RMND1: variants seen among roughly 807,000 people sequenced by gnomAD.
RMND1 encodes the protein required for meiotic nuclear division protein 1 homolog.
In RMND1, 41 loss-of-function variants were observed where a neutral mutation model predicts 54.0. The ratio of observed to expected loss-of-function variants is 0.76; its 90% CI spans 0.59 to 0.98. RMND1 has a LOEUF of 0.98. Among genes scored for constraint, RMND1 ranks in the 50% least tolerant of loss-of-function variants. The pLI is 0.00. For synonymous variants in RMND1, 183 were observed against 181.7 expected (o/e 1.01, Z -0.06); for missense variants, 457 against 532.0 (o/e 0.86, Z 1.39).
rs189562400 is a variant in RMND1, at chr6:151,432,249, G to A, written c.689+906C>T. Among the ~76,000 whole-genome samples the A allele has an allele frequency of 3.9e-5, 6 of 152,258 alleles. No homozygotes were observed. The East Asian group carries it at 1.2e-3, about 29-fold the overall frequency. On this transcript the variant is annotated intron_variant, in intron 4 of 11. Coordinates refer to ENST00000444024, the MANE Select transcript of RMND1 (RefSeq NM_017909.4). ...ACCGTGCCCAGCCGAGGCTTGCACT[G>A]TATTTCTGCTAGACAGTGCTGATGT...
chr6:151,433,307 A>G (rs1780497613), intron 3 of RMND1, 77 bp from the exon 4 acceptor site: 1 of 852,068 alleles, frequency 1.2e-6, no homozygotes, highest in African/African-American at 1.7e-5. Context: ...AAACACTGTA[A>G]TAAAGTACTT....
intron 1 of RMND1, 112 bp from the exon 2 acceptor site, chr6:151,445,937 C>G: frequency 1.1e-6 from 1 of 933,178 alleles, no homozygotes; most frequent in Non-Finnish European, 1.5e-6. Flanking sequence ...AAAACAGATA[C>G]ATTCTAAGTT....
intron 7 of RMND1, 143 bp from the exon 8 acceptor site, chr6:151,422,748 T>C (rs1780190752): frequency 2.1e-6 from 1 of 466,288 alleles, no homozygotes; most frequent in African/African-American, 2.0e-5. Flanking sequence ...AATTTAAGAA[T>C]AGTTAATTAT....
At chr6:151,450,186 T>G (rs1262461335) in intron 1 of RMND1, among the ~76,000 whole-genome samples, 2 of 130,614 alleles carry the variant, frequency 1.5e-5, no homozygotes, top group Admixed American at 7.4e-5. Flanking sequence ...CCGGCCGCCA[T>G]CCCATCTAGG....
intron 1 of RMND1, among the ~76,000 whole-genome samples, chr6:151,449,262 G>A (rs899827805): frequency 1.1e-4 from 16 of 151,162 alleles, no homozygotes; most frequent in East Asian, 5.8e-4. Context: ...CCAGTTACTC[G>A]GGAGGCCAAG....
At position 151,436,545 on chromosome 6, in the gene RMND1, G is replaced by A. The variant is rs1041192620; in HGVS notation, c.514C>T (p.His172Tyr). Residue 172 changes from histidine (H) to tyrosine (Y), a missense_variant, in exon 3 of 12, where the codon CAC becomes TAC. His to Tyr is a moderately conservative substitution (Grantham distance 83). Transcript: ENST00000444024. ...PVLSVNEDLMHCTAFATADEY... is the reference protein window; with the variant it reads ...PVLSVNEDLMYCTAFATADEY... ...TCTGCCGTTGCAAATGCTGTGCAGT[G>A]CATTAGGTCCTGTTCCAGGGAAATG... 10 of 1,613,706 alleles carry A rather than the reference G, an allele frequency of 6.2e-6. No individual in the cohort carries two copies. Among genetic ancestry groups the A allele is most frequent in the African/African-American group, 1.3e-5 (1 of 74,912 alleles).
chr6:151,407,187 GACTA>G (rs1023198214), intron 10 of RMND1, among the ~76,000 whole-genome samples: 4 of 152,158 alleles, frequency 2.6e-5, no homozygotes, highest in African/African-American at 9.6e-5. Context: ...AGAACCACAG[GACTA>G]ACTGACTGAA....
intron 10 of RMND1, among the ~76,000 whole-genome samples, chr6:151,406,194 A>G (rs2114909101): frequency 6.6e-6 from 1 of 152,280 alleles, no homozygotes; most frequent in South Asian, 2.1e-4. Context: ...TCTACTAGAA[A>G]ATCTACGCTT....
At position 151,409,638 on chromosome 6, in the gene RMND1, T is replaced by C. The variant is rs1030721260; in HGVS notation, c.1201-3802A>G. Among the ~76,000 whole-genome samples the C allele has an allele frequency of 7.2e-5, 11 of 152,178 alleles. 1 individual carries two copies. In the South Asian group the frequency reaches 8.3e-4, roughly 11 times the overall value. On this transcript the variant is annotated intron_variant, in intron 10 of 11. Transcript: ENST00000444024. ...ATGGGGCTTACATTCTAGTGGAAAA[T>C]GGTACACACAATTTTTAAAAGGATG...
chr6:151,415,985 T>A (rs1376360811), intron 10 of RMND1, among the ~76,000 whole-genome samples: 1 of 147,378 alleles, frequency 6.8e-6, no homozygotes, highest in African/African-American at 2.6e-5. Flanking sequence ...GTCTTTTTGT[T>A]TTGTTTTTTT....
intron 2 of RMND1, among the ~76,000 whole-genome samples, chr6:151,444,246 C>T (rs1372346605): frequency 6.6e-6 from 1 of 152,202 alleles, no homozygotes; most frequent in Admixed American, 6.5e-5. Flanking sequence ...GGTTTTTACA[C>T]TTAATGCCAT....
At chr6:151,425,551 T>C (rs950065319) in intron 6 of RMND1, among the ~76,000 whole-genome samples, 1 of 152,142 alleles carries the variant, frequency 6.6e-6, no homozygotes, top group African/African-American at 2.4e-5. Flanking sequence ...GTAAACCTAA[T>C]AGAACACAGA....
rs770736595 is a variant in RMND1 at position 151,436,559 on chromosome 6, TC to T, written c.505-6del. The T allele has an allele frequency of 6.8e-6, 11 of 1,613,308 alleles. No homozygotes were observed. In the Middle Eastern group the frequency reaches 1.3e-3, roughly 194 times the overall value. Reference sequence around the variant, plus strand: ...TGCTGTGCAGTGCATTAGGTCCTGTTCCAGGGAAATGAGCATAACATGGGTT... The same window carrying T: ...TGCTGTGCAGTGCATTAGGTCCTGTTCAGGGAAATGAGCATAACATGGGTT... On this transcript the variant is annotated splice_polypyrimidine_tract_variant and splice_region_variant and intron_variant, in intron 2 of 11. Transcript: ENST00000444024.
chr6:151,410,257 A>G lies in RMND1; in HGVS notation c.1201-4421T>C, dbSNP rs181470233. Among the ~76,000 whole-genome samples the G allele has an allele frequency of 2.7e-3, 404 of 152,048 alleles. 2 individuals carry two copies. The highest frequency in any genetic ancestry group is 0.014 in the East Asian group (74 of 5,160). On this transcript the variant is annotated intron_variant, in intron 10 of 11. Coordinates refer to ENST00000444024, the MANE Select transcript of RMND1 (RefSeq NM_017909.4). ...TTTTTAGTAGAGACGGGGTCTCACC[A>G]TGTTAGCCAGGATGGTCTGGATCTC...
chr6:151,430,926 G>C (rs1162168553), intron 4 of RMND1, among the ~76,000 whole-genome samples: 1 of 150,624 alleles, frequency 6.6e-6, no homozygotes, highest in Non-Finnish European at 1.5e-5. Flanking sequence ...AAAGTACTTA[G>C]TATATGTGTG....
intron 6 of RMND1, among the ~76,000 whole-genome samples, chr6:151,425,450 G>GCACA (rs1562790838): frequency 2.0e-5 from 3 of 151,050 alleles, no homozygotes; most frequent in East Asian, 2.0e-4. Context: ...GTGGATAAGC[G>GCACA]TACACACACA....
At chr6:151,424,569 A>T (rs193264392) in intron 6 of RMND1, among the ~76,000 whole-genome samples, 2 of 152,158 alleles carry the variant, frequency 1.3e-5, no homozygotes, top group African/African-American at 4.8e-5. Flanking sequence ...GAAAAACTTA[A>T]AAGTGTGTTT....
intron 2 of RMND1, among the ~76,000 whole-genome samples, chr6:151,442,531 TTTTC>T (rs1307347344): frequency 6.6e-6 from 1 of 152,002 alleles, no homozygotes; most frequent in African/African-American, 2.4e-5. Context: ...GCTATTATTG[TTTTC>T]TTGTTTGTTT....
At chr6:151,436,379 G>C (rs993037302) in intron 3 of RMND1, 67 bp downstream of exon 3, 11 of 1,578,384 alleles carry the variant, frequency 7.0e-6, no homozygotes, top group Middle Eastern at 1.7e-4. Context: ...ACATACTTAA[G>C]ATAGTATCAT....
Sources: allele counts gnomAD v4.1 joint callset (sites outside exome capture counted in the v4.1 genomes callset), GRCh38; gene constraint gnomAD v4.1.1; transcripts MANE v1.5; gene names NCBI Gene and HGNC (gene_info 2026-07-23, HGNC 2026-07-21).